Variants in TMEM221 observed in about 807,000 individuals in gnomAD.
TMEM221 encodes the protein Putative transmembrane protein ENSP00000342162.
Under a neutral mutation model 10.2 loss-of-function variants are expected in TMEM221, and 11 were observed. The observed-to-expected ratio is 1.08, with a 90% confidence interval of 0.68 to 1.79. TMEM221 has a LOEUF of 1.79. TMEM221 is among the 40% of genes most tolerant of loss of function. The probability of loss-of-function intolerance (pLI) is 0.00; values close to 1 mark genes in which losing one functional copy is unlikely to be tolerated. For synonymous variants in TMEM221, 172 were observed against 199.8 expected (o/e 0.86, Z 1.18); for missense variants, 382 against 417.7 (o/e 0.91, Z 0.75).
chr19:17,440,236 T>A (rs1440738776), intron 2 of TMEM221, among the ~76,000 whole-genome samples: 1 of 146,850 alleles, frequency 6.8e-6, no homozygotes, highest in Admixed American at 6.8e-5. Context: ...TTTTTTTTTT[T>A]TTTTTTTTGA....
At chr19:17,442,668 C>T (rs1264474923) in intron 2 of TMEM221, among the ~76,000 whole-genome samples, 1 of 151,628 alleles carries the variant, frequency 6.6e-6, no homozygotes, top group Non-Finnish European at 1.5e-5. Context: ...TCAAACTCCA[C>T]CTCAAGTGAT....
intron 2 of TMEM221, 112 bp from the exon 3 acceptor site, chr19:17,437,039 G>T: frequency 2.7e-6 from 2 of 740,202 alleles, no homozygotes; most frequent in Non-Finnish European, 2.0e-6. Flanking sequence ...CACATGACAG[G>T]CACATAGAAT....
chr19:17,436,386 C>T lies in TMEM221; in HGVS notation c.*72G>A, dbSNP rs2074908159. 1 of 1,347,676 alleles carries T rather than the reference C, an allele frequency of 7.4e-7. No individual in the cohort carries two copies. The highest frequency in any genetic ancestry group is 9.7e-7 in the Non-Finnish European group (1 of 1,029,464). The allele number at this position is 1,347,676 out of a possible 1,614,324, so 83.5% of individuals were successfully genotyped here. On this transcript the variant is annotated 3_prime_UTR_variant, in exon 3 of 3. Coordinates refer to ENST00000341130, the MANE Select transcript of TMEM221 (RefSeq NM_001190844.2). The stretch of plus-strand genomic sequence containing the variant: ...AGAGAAAAATCAAGTCCTACTGCTA[C>T]TGCAGCTGAACCCGAACCTATCTCT...
rs1225641566 is a variant in TMEM221, at chr19:17,436,449, T to C, written c.*9A>G. ...TCTTACACCAGGTCTCTATTCCTCA[T>C]CCCTGGGCTCACACCAGTGTGGAGT... On this transcript the variant is annotated 3_prime_UTR_variant, in exon 3 of 3. Transcript: ENST00000341130. The C allele has an allele frequency of 6.0e-6, 9 of 1,498,074 alleles. No homozygotes were observed. Among genetic ancestry groups the C allele is most frequent in the South Asian group, 1.3e-5 (1 of 78,912 alleles). 92.8% of individuals were successfully genotyped at this position (1,498,074 alleles called of 1,614,324 possible). A position where few individuals can be genotyped will look rare whatever the true frequency, so the allele number is the denominator to read the frequency against.
chr19:17,443,657 A>G (rs906704554), intron 2 of TMEM221, among the ~76,000 whole-genome samples: 1 of 150,662 alleles, frequency 6.6e-6, no homozygotes, highest in East Asian at 1.9e-4. Context: ...TTAAATTTCT[A>G]TTTTCTGTGG....
At chr19:17,447,547 A>G (rs1463832107) in intron 1 of TMEM221, among the ~76,000 whole-genome samples, 1 of 152,100 alleles carries the variant, frequency 6.6e-6, no homozygotes, top group Non-Finnish European at 1.5e-5. Context: ...GCTCAATTTC[A>G]CAGAATTCTG....
At chr19:17,446,033 A>G (rs1157796812) in intron 1 of TMEM221, among the ~76,000 whole-genome samples, 1 of 151,904 alleles carries the variant, frequency 6.6e-6, no homozygotes, top group Non-Finnish European at 1.5e-5. Context: ...TGATTATTTG[A>G]CCAGCACTCA....
chr19:17,436,374 G>C lies in TMEM221; in HGVS notation c.*84C>G. On this transcript the variant is annotated 3_prime_UTR_variant, in exon 3 of 3. Transcript: ENST00000341130. Reference sequence around the variant, plus strand: ...TGCAATAAAATGAGAGAAAAATCAAGTCCTACTGCTACTGCAGCTGAACCC... The same window carrying C: ...TGCAATAAAATGAGAGAAAAATCAACTCCTACTGCTACTGCAGCTGAACCC... 7.8e-7 allele frequency: 1 copy of C among 1,288,694 alleles called. No individual in the cohort carries two copies. The highest frequency in any genetic ancestry group is 1.0e-6 in the Non-Finnish European group (1 of 977,796). The allele number at this position is 1,288,694 out of a possible 1,614,324, so 79.8% of individuals were successfully genotyped here.
chr19:17,438,086 ATTTT>A (rs71162128), intron 2 of TMEM221, among the ~76,000 whole-genome samples: 11 of 113,784 alleles, frequency 9.7e-5, no homozygotes, highest in Admixed American at 1.9e-4. Context: ...TGCCTGGCTA[ATTTT>A]TTTTTTTTTT....
chr19:17,436,900 A>G lies in TMEM221; in HGVS notation c.434T>C (p.Phe145Ser), dbSNP rs2074912015. The change falls in exon 3 of 3, where the codon TTC becomes TCC. Residue 145 changes from phenylalanine to serine, a missense_variant. Physicochemically the swap from Phe to Ser is radical, Grantham distance 155 (BLOSUM62 -2). Transcript: ENST00000341130. ...AGCTGCTGCGCCTGTCTCGATCTCG[A>G]AAAGTAGCAAGGCATAGATGGACAG... ...AALSIYALLL[F>S]EIETGAAAAS... The G allele has an allele frequency of 7.0e-7, 1 of 1,432,006 alleles. No homozygotes were observed. Among genetic ancestry groups the G allele is most frequent in the African/African-American group, 1.4e-5 (1 of 69,958 alleles). 88.7% of individuals were successfully genotyped at this position (1,432,006 alleles called of 1,614,324 possible).
Position 17,436,376 on chromosome 19 carries a change from CCTA to C in TMEM221, c.*79_*81del. The C allele has an allele frequency of 1.5e-6, 2 of 1,299,604 alleles. No homozygotes were observed. Among genetic ancestry groups the C allele is most frequent in the East Asian group, 5.4e-5 (2 of 37,364 alleles). The allele number at this position is 1,299,604 out of a possible 1,614,324, so 80.5% of individuals were successfully genotyped here. A position where few individuals can be genotyped will look rare whatever the true frequency, so the allele number is the denominator to read the frequency against. On this transcript the variant is annotated 3_prime_UTR_variant, in exon 3 of 3. Coordinates refer to ENST00000341130, the MANE Select transcript of TMEM221 (RefSeq NM_001190844.2). The stretch of plus-strand genomic sequence containing the variant: ...CAATAAAATGAGAGAAAAATCAAGT[CCTA>C]CTGCTACTGCAGCTGAACCCGAACC...
At chr19:17,443,979 CTTTT>C (rs143259849) in intron 2 of TMEM221, among the ~76,000 whole-genome samples, 1 of 136,572 alleles carries the variant, frequency 7.3e-6, no homozygotes, top group African/African-American at 2.7e-5. Context: ...CTGGGGTATC[CTTTT>C]TTTTTTTTTT....
intron 2 of TMEM221, among the ~76,000 whole-genome samples, chr19:17,443,205 C>G (rs1267983658): frequency 1.3e-5 from 2 of 151,932 alleles, no homozygotes; most frequent in African/African-American, 4.8e-5. Context: ...GGCATGAACC[C>G]AGGAGGCGGA....
At chr19:17,439,086 A>G (rs934722060) in intron 2 of TMEM221, among the ~76,000 whole-genome samples, 2 of 151,876 alleles carry the variant, frequency 1.3e-5, no homozygotes, top group African/African-American at 4.8e-5. Context: ...GGGCGCCTGC[A>G]GTCCCAGCTA....
Position 17,448,557 on chromosome 19 carries a change from TC to T in TMEM221, c.-96del, listed in dbSNP as rs1388508325. The T allele has an allele frequency of 2.8e-6, 2 of 705,686 alleles. No individual in the cohort carries two copies. The highest frequency in any genetic ancestry group is 3.7e-6 in the Non-Finnish European group (2 of 540,192). 43.7% of individuals were successfully genotyped at this position (705,686 alleles called of 1,614,324 possible). A position where few individuals can be genotyped will look rare whatever the true frequency, so the allele number is the denominator to read the frequency against. On this transcript the variant is annotated 5_prime_UTR_variant, in exon 1 of 3. Transcript: ENST00000341130. This position sits in a 1 kb window ranked among gnomAD's most constrained non-coding sequence, Gnocchi z 4.7. ...GGGGAATCCGAGGGTCCTCAGGGGG[TC>T]CCCGAGGGGGCGGGGCCGCAGGGAG...
In TMEM221 at chr19:17,448,056, G is replaced by A. The variant is rs1018233211; in HGVS notation, c.320+87C>T. 6 of 1,140,938 alleles carry A rather than the reference G, an allele frequency of 5.3e-6. No homozygotes were observed. Among genetic ancestry groups the A allele is most frequent in the Non-Finnish European group, 4.4e-6 (4 of 902,448 alleles). The allele number at this position is 1,140,938 out of a possible 1,614,324, so 70.7% of individuals were successfully genotyped here. A position where few individuals can be genotyped will look rare whatever the true frequency, so the allele number is the denominator to read the frequency against. On this transcript the variant is annotated intron_variant, in intron 1 of 2. Transcript: ENST00000341130. This position sits in a 1 kb window ranked among gnomAD's most constrained non-coding sequence, Gnocchi z 4.7. Reference sequence around the variant, plus strand: ...AGTGGGGAGGGAAGCTGTCCCCCCAGCCTGAGGCCAAAAGAGGGGAAGAGG... The same window carrying A: ...AGTGGGGAGGGAAGCTGTCCCCCCAACCTGAGGCCAAAAGAGGGGAAGAGG...
rs954832303 is a variant in TMEM221, at chr19:17,448,325, G to C, written c.138C>G (p.Ala46=). ...AGRAELRGLR[A]EGLGQELGAG... is the part of the protein sequence containing the mutation. The stretch of plus-strand genomic sequence containing the variant: ...CGCCCAGCTCCTGGCCCAGCCCCTC[G>C]GCGCGCAGCCCCCGCAGCTCGGCGC... Residue 46 remains alanine, a synonymous_variant, in exon 1 of 3, where the codon GCC becomes GCG. Transcript: ENST00000341130. The surrounding 1 kb of genome is among the most constrained non-coding windows in gnomAD (Gnocchi z 4.7). The C allele has an allele frequency of 4.2e-5, 54 of 1,278,632 alleles. No homozygotes were observed. Among genetic ancestry groups the C allele is most frequent in the Middle Eastern group, 3.1e-4 (1 of 3,278 alleles). The allele number at this position is 1,278,632 out of a possible 1,614,324, so 79.2% of individuals were successfully genotyped here.
intron 2 of TMEM221, among the ~76,000 whole-genome samples, chr19:17,437,899 CTTCTTG>C (rs71336611): frequency 2.1e-3 from 305 of 146,098 alleles, no homozygotes; most frequent in African/African-American, 4.0e-3. Flanking sequence ...TCTTCTTTTT[CTTCTTG>C]TTCTTGTTCT....
chr19:17,443,288 A>AT (rs2074939112), intron 2 of TMEM221, among the ~76,000 whole-genome samples: 3 of 150,792 alleles, frequency 2.0e-5, no homozygotes, highest in South Asian at 2.1e-4. Flanking sequence ...ATCAAAAAAA[A>AT]TTTTTTTAAT....
Sources: allele counts gnomAD v4.1 joint callset (sites outside exome capture counted in the v4.1 genomes callset), GRCh38; gene constraint gnomAD v4.1.1; non-coding constraint Gnocchi (gnomAD v3.1); transcripts MANE v1.5; gene names NCBI Gene and HGNC (gene_info 2026-07-23, HGNC 2026-07-21).